Variants in CEP76 observed in about 807,000 individuals in gnomAD.
CEP76 encodes centrosomal protein of 76 kDa.
In CEP76, 55 loss-of-function variants were observed where a neutral mutation model predicts 83.3. The observed-to-expected ratio is 0.66, with a 90% CI of 0.53 to 0.83. The LOEUF is 0.83. Among genes scored for constraint, CEP76 ranks in the 40% least tolerant of loss-of-function variants. The pLI, the probability that CEP76 is intolerant of heterozygous loss-of-function variation, is 0.00. For synonymous variants in CEP76, 270 were observed against 274.5 expected (o/e 0.98, Z 0.16); for missense variants, 694 against 799.5 (o/e 0.87, Z 1.59).
chr18:12,665,894 A>G (rs917070240), intron 12 of CEP76, among the ~76,000 whole-genome samples: 2 of 152,132 alleles, frequency 1.3e-5, no homozygotes, highest in Admixed American at 1.3e-4. Context: ...ACAGGGTTTC[A>G]CCATGTTGGC....
intron 8 of CEP76, among the ~76,000 whole-genome samples, chr18:12,683,522 G>A (rs1029635501): frequency 3.3e-5 from 5 of 151,836 alleles, no homozygotes; most frequent in East Asian, 1.9e-4. Flanking sequence ...AGGCAGAGGC[G>A]GGCAGATCAC....
chr18:12,670,497 A>T (rs2038916278), downstream of CEP76: 1 of 152,206 alleles, frequency 6.6e-6, no homozygotes, highest in South Asian at 2.1e-4. Context: ...TTACTCTGGT[A>T]CAATAAGGTG....
rs992763426 is a variant in CEP76, at chr18:12,698,946, T to A, written c.520+33A>T. 3 of 1,392,028 alleles carry A rather than the reference T, an allele frequency of 2.2e-6. No individual in the cohort carries two copies. The African/African-American group carries it at 4.3e-5, about 20-fold the overall frequency. The allele number at this position is 1,392,028 out of a possible 1,614,324, so 86.2% of individuals were successfully genotyped here. A position where few individuals can be genotyped will look rare whatever the true frequency, so the allele number is the denominator to read the frequency against. On this transcript the variant is annotated intron_variant, in intron 4 of 11. Transcript: ENST00000262127. ...ACAATAAAACATAACAAAGATTTAC[T>A]CAATTAAATGACAATTTATTACTGT... is the stretch of plus-strand genomic sequence containing the variant.
chr18:12,691,814 C>G (rs951982988), intron 6 of CEP76, among the ~76,000 whole-genome samples: 1 of 151,256 alleles, frequency 6.6e-6, no homozygotes, highest in Non-Finnish European at 1.5e-5. Flanking sequence ...CTCCCATGTT[C>G]AAGCAATTCT....
At chr18:12,664,594 A>G (rs2038767621) in intron 12 of CEP76, among the ~76,000 whole-genome samples, 1 of 152,012 alleles carries the variant, frequency 6.6e-6, no homozygotes, top group Non-Finnish European at 1.5e-5. Context: ...TCTGCTGCCC[A>G]AGCTGGTCTC....
Position 12,699,773 on chromosome 18 carries a change from ACAC to A in CEP76, c.295+54_295+56del, listed in dbSNP as rs1555647983. The A allele has an allele frequency of 7.9e-5, 77 of 978,560 alleles. No homozygotes were observed. In the East Asian group the frequency reaches 1.9e-3, roughly 25 times the overall value. The allele number at this position is 978,560 out of a possible 1,614,324, so 60.6% of individuals were successfully genotyped here. On this transcript the variant is annotated intron_variant, in intron 3 of 11. Transcript: ENST00000262127. ...TGTCTTCTATCAAATACGAAAGACT[ACAC>A]CACATCAATATTTACTATTAACCAC...
intron 7 of CEP76, among the ~76,000 whole-genome samples, chr18:12,687,974 T>C (rs939380554): frequency 1.3e-5 from 2 of 151,882 alleles, no homozygotes; most frequent in African/African-American, 4.8e-5. Context: ...CTGGGCACGG[T>C]GGCTCACGCC....
intron 8 of CEP76, among the ~76,000 whole-genome samples, chr18:12,683,102 T>C (rs2039407293): frequency 6.7e-6 from 1 of 150,134 alleles, no homozygotes; most frequent in African/African-American, 2.5e-5. Context: ...TCTCAGCACT[T>C]TGGGAGGCTG....
chr18:12,672,075 C>T (rs147833171), downstream of CEP76, among the ~76,000 whole-genome samples: 556 of 151,824 alleles, frequency 3.7e-3, no homozygotes, highest in Non-Finnish European at 4.5e-3. Context: ...ACATCAGCCT[C>T]CCAAAGTGCT....
chr18:12,697,320 A>C lies in CEP76; in HGVS notation c.609T>G (p.Gly203=). 2 of 1,613,972 alleles carry C rather than the reference A, an allele frequency of 1.2e-6. No individual in the cohort carries two copies. Among genetic ancestry groups the C allele is most frequent in the Non-Finnish European group, 1.7e-6 (2 of 1,179,892 alleles). Residue 203 remains glycine (G), a synonymous_variant, in exon 5 of 12, where the codon GGT becomes GGG. Coordinates refer to ENST00000262127, the MANE Select transcript of CEP76 (RefSeq NM_024899.4). ...AATATGATGCTACTAAAGTCGTCTC[A>C]CCAAATATGTCTGTTTTGATTAGCA... ...HMVLIKTDIF[G]ETTLVASYFL...
downstream of CEP76, among the ~76,000 whole-genome samples, chr18:12,671,444 A>C (rs1399430187): frequency 6.6e-6 from 1 of 152,084 alleles, no homozygotes; most frequent in Non-Finnish European, 1.5e-5. Flanking sequence ...TCTTTGAAAA[A>C]ATAAAAAACT....
chr18:12,675,623 CA>C (rs1020410034), intron 10 of CEP76, among the ~76,000 whole-genome samples: 3 of 152,094 alleles, frequency 2.0e-5, no homozygotes, highest in African/African-American at 4.8e-5. Flanking sequence ...GAGCTTAAAA[CA>C]TATTTCTATG....
At chr18:12,674,886 ATAAT>A (rs1440846614) in intron 10 of CEP76, 133 bp from the exon 11 acceptor site, 3 of 526,084 alleles carry the variant, frequency 5.7e-6, no homozygotes, top group South Asian at 6.7e-5. Context: ...TTTAATAATA[ATAAT>A]TATAGGGATA....
intron 5 of CEP76, among the ~76,000 whole-genome samples, chr18:12,696,372 G>A (rs1433641860): frequency 2.0e-5 from 3 of 152,004 alleles, no homozygotes; most frequent in Non-Finnish European, 4.4e-5. Context: ...GTGTGGTGGT[G>A]CATGCCTGTA....
chr18:12,675,175 T>C (rs913159291), intron 10 of CEP76, among the ~76,000 whole-genome samples: 3 of 152,152 alleles, frequency 2.0e-5, no homozygotes, highest in African/African-American at 7.2e-5. Context: ...GGTGGGCGGA[T>C]CATGAGGTCA....
intron 1 of CEP76, among the ~76,000 whole-genome samples, chr18:12,702,062 G>A (rs767127895): frequency 7.2e-5 from 11 of 152,134 alleles, no homozygotes; most frequent in Non-Finnish European, 1.5e-4. Flanking sequence ...GGAGGCGGAG[G>A]TTGCAGTGAG....
At chr18:12,665,000 TTTA>T (rs1336716139) in intron 12 of CEP76, 1 of 152,150 alleles carries the variant, frequency 6.6e-6, no homozygotes, top group Non-Finnish European at 1.5e-5. Flanking sequence ...TATCCTAATC[TTTA>T]TTGAGAAAAG....
At chr18:12,698,905 T>A in intron 4 of CEP76, 74 bp downstream of exon 4, 1 of 1,092,438 alleles carries the variant, frequency 9.2e-7, no homozygotes, top group East Asian at 2.5e-5. Context: ...ACAGAAAAAG[T>A]CATTATTATT....
chr18:12,702,312 GA>G, intron 1 of CEP76, 173 bp downstream of exon 1: 1 of 558,450 alleles, frequency 1.8e-6, no homozygotes, highest in Non-Finnish European at 3.1e-6. Flanking sequence ...CTTTCTCGGA[GA>G]CGAGGACGCT....
Sources: gnomAD v4.1 joint callset for allele counts (sites outside exome capture counted in the v4.1 genomes callset) on GRCh38, gnomAD v4.1.1 for gene constraint, MANE v1.5 for transcripts, NCBI Gene and HGNC (gene_info 2026-07-23, HGNC 2026-07-21) for gene names.